RBFOX1: variants seen among roughly 807,000 people sequenced by gnomAD.
RBFOX1 encodes RNA binding protein fox-1 homolog 1.
Under a neutral mutation model 57.7 loss-of-function variants are expected in RBFOX1, and 8 were observed. That is an observed-to-expected ratio of 0.14 (90% CI 0.08 to 0.25). RBFOX1 has a LOEUF of 0.25. Among genes scored for constraint, RBFOX1 ranks in the 10% least tolerant of loss-of-function variants. The pLI is 1.00. For missense variants in RBFOX1, 611 were observed against 548.5 expected, an observed-to-expected ratio of 1.11 and a Z score of -1.14; for synonymous variants, 326 against 222.4, an observed-to-expected ratio of 1.47 and a Z score of -4.15.
intron 4 of RBFOX1, among the ~76,000 whole-genome samples, chr16:7,454,194 C>T (rs533436371): frequency 4.6e-5 from 7 of 152,278 alleles, no homozygotes; most frequent in African/African-American, 1.2e-4. Context: ...AATCATGCCA[C>T]GGCACTCCAG....
At chr16:6,943,834 C>G (rs892015478) in intron 3 of RBFOX1, among the ~76,000 whole-genome samples, 9 of 152,130 alleles carry the variant, frequency 5.9e-5, no homozygotes, top group African/African-American at 2.2e-4. Context: ...AAGGCAAACG[C>G]TGAGCTGTAA....
At chr16:7,074,830 A>T (rs2058014043) in intron 4 of RBFOX1, among the ~76,000 whole-genome samples, 1 of 152,108 alleles carries the variant, frequency 6.6e-6, no homozygotes. Context: ...TGGAAAAGAG[A>T]TCTATATTTG....
intron 4 of RBFOX1, among the ~76,000 whole-genome samples, chr16:7,508,562 T>G (rs60077907): frequency 0.051 from 7,807 of 152,194 alleles, 287 homozygotes; most frequent in East Asian, 0.13. Context: ...GGGCTGCTTG[T>G]TTTAACTCTC....
chr16:5,589,395 C>G (rs1441826716), intron 2 of RBFOX1, among the ~76,000 whole-genome samples: 1 of 152,206 alleles, frequency 6.6e-6, no homozygotes, highest in East Asian at 1.9e-4. Context: ...CTTGCCCTCT[C>G]TGAATCCAAT....
chr16:5,507,358 AT>A (rs1485419085), intron 2 of RBFOX1, among the ~76,000 whole-genome samples: 1 of 151,634 alleles, frequency 6.6e-6, no homozygotes. Context: ...GCGAGGAGGG[AT>A]TGTCTTGGCT....
At position 7,212,633 on chromosome 16, in the gene RBFOX1, G is replaced by GAA. The variant is rs146379259; in HGVS notation, c.27+160542_27+160543dup. On this transcript the variant is annotated intron_variant, in intron 4 of 15. Transcript: ENST00000550418. The stretch of plus-strand genomic sequence containing the variant: ...TAAAGGCATTCCACAAGTTGTTTTA[G>GAA]AAAAAAAACGAGAAAATAGCCTCAA... Among the ~76,000 whole-genome samples, 13 of 151,354 alleles carry GAA rather than the reference G, an allele frequency of 8.6e-5. No homozygotes were observed. In the South Asian group the frequency reaches 1.3e-3, roughly 15 times the overall value.
intron 2 of RBFOX1, among the ~76,000 whole-genome samples, chr16:5,565,910 G>T (rs1438443169): frequency 6.6e-6 from 1 of 151,984 alleles, no homozygotes; most frequent in African/African-American, 2.4e-5. Flanking sequence ...CATGTGTTGT[G>T]GGAGGGACCC....
intron 1 of RBFOX1, among the ~76,000 whole-genome samples, chr16:6,239,803 T>C (rs973840061): frequency 2.0e-5 from 3 of 152,114 alleles, no homozygotes; most frequent in Non-Finnish European, 4.4e-5. Flanking sequence ...AGCCTCCACC[T>C]GACTGTTAAA....
chr16:7,432,664 A>C (rs145216500), intron 4 of RBFOX1, among the ~76,000 whole-genome samples: 15 of 152,332 alleles, frequency 9.8e-5, no homozygotes, highest in Non-Finnish European at 1.8e-4. Flanking sequence ...ACTGTGTTCT[A>C]ATAAAACTTT....
At chr16:7,244,982 CCTGCCTTCACAGTG>C (rs2094229871) in intron 4 of RBFOX1, among the ~76,000 whole-genome samples, 1 of 152,142 alleles carries the variant, frequency 6.6e-6, no homozygotes, top group Non-Finnish European at 1.5e-5. Context: ...GGAACTCATG[CCTGCCTTCACAGTG>C]CAGCTGCTCC....
chr16:7,049,796 T>C (rs1392563045), intron 3 of RBFOX1, among the ~76,000 whole-genome samples: 1 of 152,176 alleles, frequency 6.6e-6, no homozygotes, highest in Non-Finnish European at 1.5e-5. Flanking sequence ...GATGAAGTGT[T>C]TTCGCTCCAT....
chr16:7,521,022 A>C (rs780809792), intron 5 of RBFOX1, among the ~76,000 whole-genome samples: 1 of 152,218 alleles, frequency 6.6e-6, no homozygotes, highest in African/African-American at 2.4e-5. Flanking sequence ...GGCAAATAGC[A>C]TGTGTGATAG....
chr16:7,141,811 C>G (rs2073859102), intron 4 of RBFOX1, among the ~76,000 whole-genome samples: 1 of 152,110 alleles, frequency 6.6e-6, no homozygotes, highest in African/African-American at 2.4e-5. Context: ...ATATTGACGA[C>G]CGCACCAGCC....
intron 14 of RBFOX1, among the ~76,000 whole-genome samples, chr16:7,703,449 A>ATCTC (rs2081416013): frequency 6.6e-6 from 1 of 152,174 alleles, no homozygotes; most frequent in Non-Finnish European, 1.5e-5. Context: ...TCACCCAGCT[A>ATCTC]TCTCTGGGGT....
intron 1 of RBFOX1, among the ~76,000 whole-genome samples, chr16:5,419,992 G>A (rs553789361): frequency 3.3e-5 from 5 of 152,140 alleles, no homozygotes; most frequent in African/African-American, 4.8e-5. Flanking sequence ...CAGCTCAGCC[G>A]ATATTGTGAC....
chr16:6,802,729 A>G (rs1054343873), intron 3 of RBFOX1, among the ~76,000 whole-genome samples: 62 of 152,192 alleles, frequency 4.1e-4, no homozygotes, highest in African/African-American at 1.4e-3. Flanking sequence ...TCCTTTATTC[A>G]TTTCGGCAAA....
intron 3 of RBFOX1, among the ~76,000 whole-genome samples, chr16:6,699,760 G>A (rs1019255): frequency 0.19 from 28,813 of 151,998 alleles, 3,614 homozygotes; most frequent in East Asian, 0.46. Flanking sequence ...TGATCAAGGT[G>A]GGATAATGAG....
chr16:6,857,516 A>C (rs1025813959), intron 3 of RBFOX1, among the ~76,000 whole-genome samples: 2 of 152,192 alleles, frequency 1.3e-5, no homozygotes, highest in African/African-American at 4.8e-5. Context: ...GTTAAATTTC[A>C]AAATTACTAT....
intron 3 of RBFOX1, among the ~76,000 whole-genome samples, chr16:6,893,335 GT>G (rs2065970886): frequency 6.6e-6 from 1 of 152,126 alleles, no homozygotes; most frequent in Non-Finnish European, 1.5e-5. Context: ...ACTCATATAG[GT>G]CATCTAAAAA....
Sources: gnomAD v4.1 joint callset for allele counts (sites outside exome capture counted in the v4.1 genomes callset) on GRCh38, gnomAD v4.1.1 for gene constraint, MANE v1.5 for transcripts, NCBI Gene and HGNC (gene_info 2026-07-23, HGNC 2026-07-21) for gene names.